Variants in NTM observed in about 807,000 individuals in gnomAD.
The protein encoded by NTM is IgLON family member 2.
Under a neutral mutation model 42.1 loss-of-function variants are expected in NTM, and 13 were observed. The observed-to-expected ratio is 0.31, with a 90% CI of 0.20 to 0.49. The LOEUF (loss-of-function observed/expected upper bound fraction) is 0.49, where lower values mean the gene tolerates loss of function less well. NTM is among the 20% of genes least tolerant of loss of function. NTM has a pLI of 0.99. For synonymous variants in NTM, 187 were observed against 179.2 expected (o/e 1.04, Z -0.35); for missense variants, 373 against 452.8 (o/e 0.82, Z 1.60).
chr11:131,863,097 T>A (rs559936377), intron 1 of NTM, among the ~76,000 whole-genome samples: 6 of 152,324 alleles, frequency 3.9e-5, no homozygotes, highest in Middle Eastern at 3.4e-3. Flanking sequence ...TTTGCAAAAT[T>A]GTGCTACTCA....
intron 4 of NTM, among the ~76,000 whole-genome samples, chr11:132,277,407 C>G (rs1410238507): frequency 2.6e-5 from 4 of 152,142 alleles, no homozygotes; most frequent in African/African-American, 9.7e-5. Flanking sequence ...TAGGAGAAGG[C>G]TCTATTGATG....
At chr11:131,446,705 A>T (rs1245945899) in intron 1 of NTM, among the ~76,000 whole-genome samples, 1 of 152,198 alleles carries the variant, frequency 6.6e-6, no homozygotes, top group Non-Finnish European at 1.5e-5. Flanking sequence ...AAGGTTTGGG[A>T]TCAAGTCAAC....
At chr11:131,812,278 A>G (rs2092768967) in intron 1 of NTM, among the ~76,000 whole-genome samples, 1 of 149,624 alleles carries the variant, frequency 6.7e-6, no homozygotes, top group African/African-American at 2.5e-5. Context: ...GGCTGCCATT[A>G]TCATATGTGG....
intron 2 of NTM, among the ~76,000 whole-genome samples, chr11:132,043,875 C>A (rs2077527458): frequency 6.6e-6 from 1 of 152,090 alleles, no homozygotes; most frequent in Non-Finnish European, 1.5e-5. Flanking sequence ...TCCTGAGAAC[C>A]ATTCTCCTGG....
chr11:132,231,618 T>G (rs1341183217), intron 4 of NTM, among the ~76,000 whole-genome samples: 1 of 151,124 alleles, frequency 6.6e-6, no homozygotes, highest in East Asian at 1.9e-4. Flanking sequence ...TAAAAGGGCA[T>G]TTTATTCAAA....
At chr11:132,200,743 A>G (rs2081035111) in intron 3 of NTM, among the ~76,000 whole-genome samples, 1 of 152,170 alleles carries the variant, frequency 6.6e-6, no homozygotes, top group Non-Finnish European at 1.5e-5. Context: ...CCACCTGGGG[A>G]CAGGGGCTTA....
chr11:131,759,524 T>TC (rs936609943), intron 1 of NTM, among the ~76,000 whole-genome samples: 3 of 152,184 alleles, frequency 2.0e-5, no homozygotes, highest in Admixed American at 6.5e-5. Context: ...TCCTTTTTTT[T>TC]CAACTCATTT....
chr11:132,229,845 T>G (rs1246690127), intron 4 of NTM, among the ~76,000 whole-genome samples: 1 of 152,224 alleles, frequency 6.6e-6, no homozygotes, highest in African/African-American at 2.4e-5. Flanking sequence ...AGTCTTGGCA[T>G]GTTCACTCAA....
chr11:131,574,934 C>G (rs1287834483), intron 1 of NTM, among the ~76,000 whole-genome samples: 2 of 152,092 alleles, frequency 1.3e-5, no homozygotes, highest in Non-Finnish European at 2.9e-5. Context: ...TGATTTGCTT[C>G]TCTCCAAAAA....
chr11:131,774,030 AGCCTT>A, intron 1 of NTM: 1 of 983,974 alleles, frequency 1.0e-6, no homozygotes, highest in Non-Finnish European at 1.2e-6. Flanking sequence ...AATAGTCAAT[AGCCTT>A]GGTGTCATTG....
chr11:131,951,663 A>G (rs1445013593), intron 2 of NTM, among the ~76,000 whole-genome samples: 1 of 152,018 alleles, frequency 6.6e-6, no homozygotes, highest in Non-Finnish European at 1.5e-5. Context: ...TTCTACTAAA[A>G]ATACAAAAAT....
chr11:131,574,024 A>G (rs2057702407), intron 1 of NTM, among the ~76,000 whole-genome samples: 1 of 152,088 alleles, frequency 6.6e-6, no homozygotes, highest in Non-Finnish European at 1.5e-5. Flanking sequence ...AAATTGCTCT[A>G]TTCCCTCTCA....
intron 1 of NTM, among the ~76,000 whole-genome samples, chr11:131,551,965 C>T (rs1200774904): frequency 6.6e-6 from 1 of 152,118 alleles, no homozygotes; most frequent in Non-Finnish European, 1.5e-5. Context: ...GGTAAGGTCC[C>T]TACAAGCACC....
chr11:131,849,556 C>T (rs906291958), intron 1 of NTM, among the ~76,000 whole-genome samples: 4 of 152,090 alleles, frequency 2.6e-5, no homozygotes, highest in Non-Finnish European at 4.4e-5. Context: ...CCATGATCCA[C>T]ACACACCCAA....
At chr11:131,630,326 C>G (rs1443307097) in intron 1 of NTM, among the ~76,000 whole-genome samples, 3 of 152,132 alleles carry the variant, frequency 2.0e-5, no homozygotes, top group Non-Finnish European at 2.9e-5. Context: ...TGTTTTCTCT[C>G]TGCCAAGCCG....
intron 1 of NTM, among the ~76,000 whole-genome samples, chr11:131,873,274 C>T (rs2047986158): frequency 6.6e-6 from 1 of 151,934 alleles, no homozygotes; most frequent in Non-Finnish European, 1.5e-5. Context: ...GAAAACCAAA[C>T]ACCGCATGTT....
intron 1 of NTM, chr11:131,777,102 A>G (rs78897212): frequency 6.3e-6 from 6 of 948,528 alleles, no homozygotes; most frequent in Non-Finnish European, 7.5e-6. Context: ...ATTGATTTCT[A>G]TTATTGAAGG....
chr11:131,688,290 C>T (rs2074198535), intron 1 of NTM, among the ~76,000 whole-genome samples: 1 of 152,206 alleles, frequency 6.6e-6, no homozygotes, highest in Non-Finnish European at 1.5e-5. Flanking sequence ...CTTGCCCGTC[C>T]TCCTTCCGTG....
chr11:131,401,480 T>C (rs1945124475), intron 1 of NTM, among the ~76,000 whole-genome samples: 2 of 151,994 alleles, frequency 1.3e-5, no homozygotes, highest in South Asian at 4.1e-4. Flanking sequence ...AATGTTGTTA[T>C]AAGCGTAAGT....
Sources: allele counts gnomAD v4.1 joint callset (sites outside exome capture counted in the v4.1 genomes callset), GRCh38; gene constraint gnomAD v4.1.1; transcripts MANE v1.5; gene names NCBI Gene and HGNC (gene_info 2026-07-23, HGNC 2026-07-21).